Variants in MCMDC2 observed in about 807,000 individuals in gnomAD.
MCMDC2 encodes minichromosome maintenance domain containing 2.
A neutral mutation model predicts 75.8 loss-of-function variants in MCMDC2; 54 were observed. The ratio of observed to expected loss-of-function variants is 0.71; its 90% CI spans 0.57 to 0.89. MCMDC2 has a LOEUF of 0.89. Among genes scored for constraint, MCMDC2 ranks in the 40% least tolerant of loss-of-function variants. The pLI is 0.00. For missense variants in MCMDC2, 656 were observed against 780.4 expected, an observed-to-expected ratio of 0.84 and a Z score of 1.90; for synonymous variants, 249 against 274.6, an observed-to-expected ratio of 0.91 and a Z score of 0.92.
downstream of MCMDC2, among the ~76,000 whole-genome samples, chr8:66,924,794 G>A (rs962057987): frequency 6.6e-6 from 1 of 152,064 alleles, no homozygotes; most frequent in Non-Finnish European, 1.5e-5. Flanking sequence ...TCCTATACTT[G>A]CACGTGTTGT....
At chr8:66,881,575 A>G (rs1811563739) in intron 8 of MCMDC2, among the ~76,000 whole-genome samples, 1 of 152,204 alleles carries the variant, frequency 6.6e-6, no homozygotes, top group Non-Finnish European at 1.5e-5. Context: ...AATCCCAGCT[A>G]CTTGGGAGGC....
chr8:66,902,709 AAAATATATATATAT>A (rs1167352456), intron 13 of MCMDC2, among the ~76,000 whole-genome samples: 8 of 106,188 alleles, frequency 7.5e-5, no homozygotes, highest in African/African-American at 3.1e-4. Flanking sequence ...AAAAAAAAAA[AAAATATATATATAT>A]ATATATATAT....
chr8:66,884,914 C>T (rs892264748), intron 9 of MCMDC2, among the ~76,000 whole-genome samples: 2 of 151,912 alleles, frequency 1.3e-5, no homozygotes, highest in African/African-American at 4.8e-5. Context: ...GTAGCTGTGA[C>T]TAGAGGCGCA....
chr8:66,925,665 G>A (rs1183976107), downstream of MCMDC2: 3 of 152,282 alleles, frequency 2.0e-5, no homozygotes, highest in Non-Finnish European at 1.5e-5. Context: ...AGGGGGCGGA[G>A]GGGAGATGAG....
chr8:66,910,179 A>G (rs535073692), intron 14 of MCMDC2, among the ~76,000 whole-genome samples: 47 of 152,340 alleles, frequency 3.1e-4, no homozygotes, highest in African/African-American at 1.1e-3. Flanking sequence ...TGCTGCAGGG[A>G]TGTAGCCCTC....
chr8:66,899,846 G>A (rs572860107), intron 12 of MCMDC2, among the ~76,000 whole-genome samples: 3 of 150,924 alleles, frequency 2.0e-5, no homozygotes, highest in Non-Finnish European at 4.4e-5. Flanking sequence ...TTTAGGCCGG[G>A]CCTAGTGGCT....
chr8:66,885,216 C>A (rs1056418036), intron 9 of MCMDC2, among the ~76,000 whole-genome samples: 2 of 151,544 alleles, frequency 1.3e-5, no homozygotes, highest in African/African-American at 4.8e-5. Flanking sequence ...GCCTGTAGTC[C>A]CAGCTACTCA....
rs1177152778 is a variant in MCMDC2, at chr8:66,878,597, G to A, written c.505G>A (p.Val169Met). The change falls in exon 6 of 15, where the codon GTG becomes ATG. Residue 169 changes from valine (V) to methionine (M), a missense_variant. By Grantham distance (21) the Val-to-Met change is conservative. Coordinates refer to ENST00000422365, the MANE Select transcript of MCMDC2 (RefSeq NM_173518.5). Reference protein sequence around the residue: ...SKGFQYIRVHVPGATESATIR... With the variant: ...SKGFQYIRVHMPGATESATIR... ...AGGATTTCAGTATATAAGAGTGCAT[G>A]TGCCTGGTGCTACAGAATCTGCAAC... 3.2e-6 allele frequency: 5 copies of A among 1,576,610 alleles called. No homozygotes were observed. Among genetic ancestry groups the A allele is most frequent in the Non-Finnish European group, 3.4e-6 (4 of 1,166,654 alleles).
chr8:66,902,711 AAT>A (rs1231949044), intron 13 of MCMDC2, among the ~76,000 whole-genome samples: 2,067 of 67,826 alleles, frequency 0.03, 67 homozygotes, highest in South Asian at 0.052. Flanking sequence ...AAAAAAAAAA[AAT>A]ATATATATAT....
chr8:66,902,705 A>ATAT (rs1554530670), intron 13 of MCMDC2, among the ~76,000 whole-genome samples: 3 of 127,854 alleles, frequency 2.3e-5, no homozygotes, highest in African/African-American at 3.2e-5. Context: ...AAAAAAAAAA[A>ATAT]AAAAAAATAT....
intron 14 of MCMDC2, among the ~76,000 whole-genome samples, chr8:66,911,778 G>A (rs1813132332): frequency 6.6e-6 from 1 of 151,414 alleles, no homozygotes; most frequent in Non-Finnish European, 1.5e-5. Flanking sequence ...AGCCGAGATT[G>A]CACCATTGCA....
At chr8:66,880,786 A>G in intron 7 of MCMDC2, 63 bp from the exon 8 acceptor site, 1 of 1,369,356 alleles carries the variant, frequency 7.3e-7, no homozygotes, top group Non-Finnish European at 9.6e-7. Context: ...TCTTTGAACC[A>G]TATGTTCATG....
chr8:66,912,909 G>A (rs1813171457), intron 14 of MCMDC2, among the ~76,000 whole-genome samples: 1 of 151,720 alleles, frequency 6.6e-6, no homozygotes, highest in Non-Finnish European at 1.5e-5. Flanking sequence ...TTCTGCACAT[G>A]TACCCCAGAA....
intron 4 of MCMDC2, 150 bp from the exon 5 acceptor site, chr8:66,877,199 G>A (rs1811330948): frequency 2.1e-6 from 1 of 476,210 alleles, no homozygotes; most frequent in African/African-American, 2.0e-5. Context: ...TTTTATACTT[G>A]AATGTTGTTT....
chr8:66,899,977 A>G (rs1452677362), intron 12 of MCMDC2, among the ~76,000 whole-genome samples: 3 of 150,112 alleles, frequency 2.0e-5, no homozygotes, highest in Non-Finnish European at 4.4e-5. Flanking sequence ...AAAAAAAACA[A>G]AAGAAAAAAT....
Position 66,890,917 on chromosome 8 carries a change from T to G in MCMDC2, c.1126T>G (p.Ser376Ala). The change falls in exon 10 of 15, where the codon TCT becomes GCT. Residue 376 changes from serine (S) to alanine (A), a missense_variant. Physicochemically the swap from Ser to Ala is moderately conservative, Grantham distance 99. Coordinates refer to ENST00000422365, the MANE Select transcript of MCMDC2 (RefSeq NM_173518.5). The part of the protein sequence containing the change: ...LVPRGIRHLV[S>A]TEIFPTLSRN... ...CCCCCGTGGTATACGTCATCTAGTC[T>G]CTACTGAAATTTTTCCCACTCTATC... The G allele has an allele frequency of 1.2e-6, 2 of 1,613,830 alleles. No homozygotes were observed. The highest frequency in any genetic ancestry group is 1.1e-5 in the South Asian group (1 of 90,938).
chr8:66,888,582 A>G (rs2130818027), intron 9 of MCMDC2, among the ~76,000 whole-genome samples: 1 of 152,310 alleles, frequency 6.6e-6, no homozygotes, highest in South Asian at 2.1e-4. Context: ...TCATGCAAAT[A>G]TTTTGTTAAA....
intron 4 of MCMDC2, among the ~76,000 whole-genome samples, chr8:66,875,362 C>T (rs1168593094): frequency 6.6e-6 from 1 of 152,142 alleles, no homozygotes; most frequent in African/African-American, 2.4e-5. Context: ...TCACCACAAC[C>T]TCCACCTCCT....
intron 13 of MCMDC2, among the ~76,000 whole-genome samples, chr8:66,902,689 T>A (rs1585896800): frequency 2.9e-5 from 2 of 68,632 alleles, no homozygotes; most frequent in African/African-American, 8.1e-5. Flanking sequence ...CAAGATTCTG[T>A]CTCAAAAAAA....
Sources: allele counts gnomAD v4.1 joint callset (sites outside exome capture counted in the v4.1 genomes callset), GRCh38; gene constraint gnomAD v4.1.1; transcripts MANE v1.5; gene names NCBI Gene and HGNC (gene_info 2026-07-23, HGNC 2026-07-21).